Variants in FGFR2 observed in about 807,000 individuals in gnomAD.
The protein encoded by FGFR2 is BEK fibroblast growth factor receptor.
FGFR2 carries 19 observed loss-of-function variants against 95.9 expected under a neutral mutation model. That is an observed-to-expected ratio of 0.20 (90% CI 0.14 to 0.29). The LOEUF (loss-of-function observed/expected upper bound fraction) is 0.29. Ranked by LOEUF, FGFR2 falls within the 10% of genes least tolerant of loss-of-function variation. The pLI is 1.00. For missense variants in FGFR2, 707 were observed against 1,056.9 expected, an observed-to-expected ratio of 0.67 and a Z score of 4.59; for synonymous variants, 392 against 393.3, an observed-to-expected ratio of 1.00 and a Z score of 0.04.
chr10:121,526,395 G>A (rs1268731396), intron 6 of FGFR2, among the ~76,000 whole-genome samples: 1 of 152,190 alleles, frequency 6.6e-6, no homozygotes, highest in Non-Finnish European at 1.5e-5. Flanking sequence ...AGTCTGAGGA[G>A]CCCAGAACTT....
chr10:121,515,072 G>A (rs1849521928), intron 9 of FGFR2, 45 bp downstream of exon 9: 1 of 1,584,272 alleles, frequency 6.3e-7, no homozygotes, highest in Non-Finnish European at 8.7e-7. Flanking sequence ...AGCTGGCTGG[G>A]TCATGGGGGA....
Position 121,518,032 on chromosome 10 carries a change from G to A in FGFR2, c.940-569C>T, listed in dbSNP as rs139953873. On this transcript the variant is annotated intron_variant, in intron 7 of 17. Transcript: ENST00000358487. The surrounding 1 kb of genome is among the most constrained non-coding windows in gnomAD (Gnocchi z 4.0). ...CTACATAGCATTGACAAAAAGAAAT[G>A]GAAGCAAGCATCATCTTGGTAACCA... 3.8e-5 allele frequency: 19 copies of A among 495,948 alleles called. No individual in the cohort carries two copies. In the East Asian group the frequency reaches 9.4e-4, roughly 25 times the overall value. 30.7% of individuals were successfully genotyped at this position (495,948 alleles called of 1,614,324 possible).
chr10:121,578,710 G>A (rs1327131347), intron 2 of FGFR2, among the ~76,000 whole-genome samples: 3 of 152,244 alleles, frequency 2.0e-5, no homozygotes, highest in Non-Finnish European at 4.4e-5. Flanking sequence ...AGGAGGTAGA[G>A]AACAGCCTGG....
At chr10:121,490,703 G>A (rs775448268) in intron 13 of FGFR2, among the ~76,000 whole-genome samples, 10 of 152,146 alleles carry the variant, frequency 6.6e-5, no homozygotes, top group Non-Finnish European at 1.5e-4. Flanking sequence ...ATTCAACAAG[G>A]CTGAAATGGG....
chr10:121,570,115 C>G (rs551951152), intron 2 of FGFR2, among the ~76,000 whole-genome samples: 1 of 151,672 alleles, frequency 6.6e-6, no homozygotes, highest in Non-Finnish European at 1.5e-5. Flanking sequence ...CGACACATAT[C>G]AAAGACAACC....
chr10:121,592,212 A>C (rs1277627472), intron 2 of FGFR2, among the ~76,000 whole-genome samples: 1 of 152,196 alleles, frequency 6.6e-6, no homozygotes, highest in African/African-American at 2.4e-5. Flanking sequence ...TTTAATTATT[A>C]GCAAAATTAA....
At chr10:121,497,899 C>T (rs1259078214) in intron 12 of FGFR2, among the ~76,000 whole-genome samples, 4 of 152,198 alleles carry the variant, frequency 2.6e-5, no homozygotes, top group Non-Finnish European at 5.9e-5. Flanking sequence ...CTATATAGAC[C>T]TACAAGAGAA....
chr10:121,549,376 C>T (rs1292617600), intron 5 of FGFR2, among the ~76,000 whole-genome samples: 2 of 152,108 alleles, frequency 1.3e-5, no homozygotes, highest in Non-Finnish European at 1.5e-5. Flanking sequence ...GTCCTGGACA[C>T]CCCACTGCTG....
intron 1 of FGFR2, 146 bp downstream of exon 1, chr10:121,597,816 A>G (rs1863685471): frequency 2.9e-6 from 1 of 343,350 alleles, no homozygotes; most frequent in Non-Finnish European, 5.2e-6. Context: ...CTATGCAGCC[A>G]CAGAGGGAGG....
intron 2 of FGFR2, among the ~76,000 whole-genome samples, chr10:121,567,288 C>CA (rs1302382664): frequency 6.6e-6 from 1 of 152,148 alleles, no homozygotes; most frequent in African/African-American, 2.4e-5. Flanking sequence ...GGGGCATCAC[C>CA]AAAGGCATGC....
chr10:121,514,027 T>G (rs1191319403), intron 9 of FGFR2, among the ~76,000 whole-genome samples: 1 of 152,094 alleles, frequency 6.6e-6, no homozygotes, highest in Non-Finnish European at 1.5e-5. Context: ...TTTCTCAAAG[T>G]GCATTCTAAA....
At chr10:121,510,925 C>T (rs1245755284) in intron 9 of FGFR2, among the ~76,000 whole-genome samples, 1 of 151,908 alleles carries the variant, frequency 6.6e-6, no homozygotes, top group African/African-American at 2.4e-5. Flanking sequence ...CCTTAGTTTC[C>T]CAAGTAGCTG....
At position 121,532,635 on chromosome 10, in the gene FGFR2, C is replaced by G. The variant is rs1014979571; in HGVS notation, c.748+5957G>C. On this transcript the variant is annotated intron_variant, in intron 6 of 17. Coordinates refer to ENST00000358487, the MANE Select transcript of FGFR2 (RefSeq NM_000141.5). ...CGTCCCCTGGCCCCAGCTCAGCTAT[C>G]ACACTGGAGCCTTTGTCTTCCTGGG... Among the ~76,000 whole-genome samples, 3 of 152,300 alleles carry G rather than the reference C, an allele frequency of 2.0e-5. No individual in the cohort carries two copies. In the East Asian group the frequency reaches 5.8e-4, roughly 29 times the overall value.
intron 11 of FGFR2, 93 bp downstream of exon 11, chr10:121,500,733 C>G: frequency 6.4e-7 from 1 of 1,550,502 alleles, no homozygotes; most frequent in African/African-American, 1.3e-5. Flanking sequence ...TCTCTGACCC[C>G]GTGCCATGAT....
At chr10:121,480,109 T>C (rs1406735649) in intron 17 of FGFR2, 88 bp from the exon 18 acceptor site, 4 of 1,289,392 alleles carry the variant, frequency 3.1e-6, no homozygotes, top group Non-Finnish European at 1.1e-6. Context: ...GAGGTCCAAG[T>C]ATTCCTGAAA....
intron 6 of FGFR2, among the ~76,000 whole-genome samples, chr10:121,533,580 G>T (rs968814036): frequency 6.6e-6 from 1 of 152,208 alleles, no homozygotes; most frequent in East Asian, 1.9e-4. Flanking sequence ...AAGCCAAATC[G>T]TCTACATGAG....
intron 10 of FGFR2, 141 bp downstream of exon 10, chr10:121,503,649 T>C (rs1847891969): frequency 1.1e-6 from 1 of 928,042 alleles, no homozygotes; most frequent in Non-Finnish European, 1.7e-6. Context: ...GAGTTGGTTA[T>C]TTAGAAATAC....
chr10:121,562,052 G>A (rs1857060043), intron 4 of FGFR2, among the ~76,000 whole-genome samples: 1 of 152,186 alleles, frequency 6.6e-6, no homozygotes, highest in South Asian at 2.1e-4. Context: ...ATGATGTGGA[G>A]CAACAGGAAC....
rs1301743704 is a variant in FGFR2, at chr10:121,551,216, T to C, written c.624+74A>G. The C allele has an allele frequency of 7.7e-6, 12 of 1,550,470 alleles. No individual in the cohort carries two copies. In the East Asian group the frequency reaches 2.5e-4, roughly 33 times the overall value. On this transcript the variant is annotated intron_variant, in intron 5 of 17. Transcript: ENST00000358487. ...GCCTGGGCGACAGAGCGAGACTCCATCGCAAAAAAAAAATGTAAATAAATA... is the reference window on the plus strand; with the variant it reads ...GCCTGGGCGACAGAGCGAGACTCCACCGCAAAAAAAAAATGTAAATAAATA...
Sources: gnomAD v4.1 joint callset for allele counts (sites outside exome capture counted in the v4.1 genomes callset) on GRCh38, gnomAD v4.1.1 for gene constraint, Gnocchi (gnomAD v3.1) non-coding constraint, MANE v1.5 for transcripts, NCBI Gene and HGNC (gene_info 2026-07-23, HGNC 2026-07-21) for gene names.